MLLT3: variants seen among roughly 807,000 people sequenced by gnomAD.
MLLT3 encodes MLLT3 super elongation complex subunit.
In MLLT3, 4 loss-of-function variants were observed where a neutral mutation model predicts 53.2. The observed-to-expected ratio is 0.08, with a 90% CI of 0.04 to 0.17. The LOEUF is 0.17. Among genes scored for constraint, MLLT3 ranks in the 10% least tolerant of loss-of-function variants. The pLI, the probability that MLLT3 is intolerant of heterozygous loss-of-function variation, is 1.00. For missense variants in MLLT3, 569 were observed against 684.0 expected, an observed-to-expected ratio of 0.83 and a Z score of 1.87; for synonymous variants, 283 against 230.6, an observed-to-expected ratio of 1.23 and a Z score of -2.06.
chr9:20,459,082 A>G (rs992588320), intron 2 of MLLT3, among the ~76,000 whole-genome samples: 2 of 152,120 alleles, frequency 1.3e-5, no homozygotes, highest in African/African-American at 4.8e-5. Flanking sequence ...ATCGACATAC[A>G]AGGAGACTAT....
intron 3 of MLLT3, among the ~76,000 whole-genome samples, chr9:20,452,584 T>C (rs1328395421): frequency 1.3e-5 from 2 of 152,070 alleles, no homozygotes; most frequent in Non-Finnish European, 2.9e-5. Flanking sequence ...CAAGACAGAG[T>C]TGTATAAACT....
At chr9:20,586,126 G>A (rs867700906) in intron 2 of MLLT3, among the ~76,000 whole-genome samples, 13 of 152,032 alleles carry the variant, frequency 8.6e-5, no homozygotes, top group African/African-American at 2.4e-4. Context: ...GCGACCAGCC[G>A]GGCAACATAG....
At chr9:20,477,583 T>TAAA (rs1824557361) in intron 2 of MLLT3, among the ~76,000 whole-genome samples, 4 of 152,016 alleles carry the variant, frequency 2.6e-5, no homozygotes, top group African/African-American at 9.7e-5. Context: ...AAATTTTAAA[T>TAAA]TAATAAATAA....
At chr9:20,366,583 T>A (rs951859664) in intron 5 of MLLT3, among the ~76,000 whole-genome samples, 2 of 152,234 alleles carry the variant, frequency 1.3e-5, no homozygotes, top group African/African-American at 4.8e-5. Context: ...CTGGGTCAAA[T>A]GGTATTTCTG....
chr9:20,448,115 C>T lies in MLLT3; in HGVS notation c.420+8G>A, dbSNP rs1823750951. 6.2e-7 allele frequency: 1 copy of T among 1,607,006 alleles called. No individual in the cohort carries two copies. Among genetic ancestry groups the T allele is most frequent in the South Asian group, 1.1e-5 (1 of 89,230 alleles). On this transcript the variant is annotated splice_region_variant and intron_variant, in intron 4 of 10. Coordinates refer to ENST00000380338, the MANE Select transcript of MLLT3 (RefSeq NM_004529.4). The surrounding 1 kb of genome is among the most constrained non-coding windows in gnomAD (Gnocchi z 4.0). ...TAGGAATGCTTTTCACAAGAGAGTG[C>T]CACTTACCCCTCCTGCCTTCAGCAA...
intron 2 of MLLT3, among the ~76,000 whole-genome samples, chr9:20,462,023 C>A (rs1374484352): frequency 6.6e-6 from 1 of 152,180 alleles, no homozygotes; most frequent in South Asian, 2.1e-4. Context: ...ATGGGGCAAA[C>A]AAGATCCTGT....
chr9:20,375,346 C>T (rs1821732327), intron 5 of MLLT3, among the ~76,000 whole-genome samples: 2 of 152,194 alleles, frequency 1.3e-5, no homozygotes, highest in Admixed American at 6.5e-5. Flanking sequence ...TAATTTAAAG[C>T]AGTGTTCTGA....
rs1317549904 is a variant in MLLT3 at position 20,613,866 on chromosome 9, G to C, written c.193+6788C>G. On this transcript the variant is annotated intron_variant, in intron 2 of 10. Transcript: ENST00000380338. ...AAAATTTTAACTCTGTATACCTTTT[G>C]ACTCCACAACCTCCCTTCTAGAAAT... is the stretch of plus-strand genomic sequence containing the variant. 4.6e-5 allele frequency among the ~76,000 whole-genome samples: 7 copies of C among 151,950 alleles called. No homozygotes were observed. In the East Asian group the frequency reaches 1.4e-3, roughly 29 times the overall value.
intron 2 of MLLT3, among the ~76,000 whole-genome samples, chr9:20,568,695 C>G (rs1463574471): frequency 6.6e-6 from 1 of 152,146 alleles, no homozygotes; most frequent in Admixed American, 6.5e-5. Flanking sequence ...GAAAGTAAGA[C>G]AAGTTAATTT....
intron 4 of MLLT3, among the ~76,000 whole-genome samples, chr9:20,422,931 C>G (rs1823049968): frequency 6.6e-6 from 1 of 152,142 alleles, no homozygotes; most frequent in African/African-American, 2.4e-5. Context: ...TCATTATTAA[C>G]TCAACAATCT....
Position 20,565,272 on chromosome 9 carries a change from C to T in MLLT3, c.193+55382G>A, listed in dbSNP as rs139042237. Among the ~76,000 whole-genome samples the T allele has an allele frequency of 2.4e-4, 37 of 152,078 alleles. 1 individual carries two copies. Among genetic ancestry groups the T allele is most frequent in the African/African-American group, 8.0e-4 (33 of 41,498 alleles). ...TCAAACTGTACAATGCACAAAGCTT[C>T]GGTTCCGCTAGGTTATCAGCTACAC... is the stretch of plus-strand genomic sequence containing the variant. On this transcript the variant is annotated intron_variant, in intron 2 of 10. Coordinates refer to ENST00000380338, the MANE Select transcript of MLLT3 (RefSeq NM_004529.4).
chr9:20,587,930 G>A (rs1176859784), intron 2 of MLLT3, among the ~76,000 whole-genome samples: 7 of 151,832 alleles, frequency 4.6e-5, no homozygotes, highest in African/African-American at 1.2e-4. Context: ...CCTATGTCCT[G>A]AATGGTAATG....
At chr9:20,413,650 T>C (rs1586930705) in intron 5 of MLLT3, 71 bp downstream of exon 5, 1 of 1,328,418 alleles carries the variant, frequency 7.5e-7, no homozygotes, top group Non-Finnish European at 1.0e-6. Flanking sequence ...TCCCTCATTC[T>C]TTATTACAAA....
At chr9:20,513,314 G>A (rs1817809950) in intron 2 of MLLT3, among the ~76,000 whole-genome samples, 2 of 152,164 alleles carry the variant, frequency 1.3e-5, no homozygotes, top group Middle Eastern at 3.2e-3. Flanking sequence ...TGACTAAGAG[G>A]AAAATTAGGT....
intron 2 of MLLT3, among the ~76,000 whole-genome samples, chr9:20,594,517 G>C (rs7871033): frequency 0.79 from 120,228 of 152,086 alleles, 47,693 homozygotes; most frequent in Middle Eastern, 0.89. Flanking sequence ...ACCAGAGCAA[G>C]TCCATGTTGA....
chr9:20,518,148 C>T (rs1817962924), intron 2 of MLLT3, among the ~76,000 whole-genome samples: 1 of 152,108 alleles, frequency 6.6e-6, no homozygotes, highest in South Asian at 2.1e-4. Context: ...GAGTTCGCAA[C>T]CAGCCTGGCC....
At chr9:20,512,153 T>C (rs754681339) in intron 2 of MLLT3, among the ~76,000 whole-genome samples, 84 of 152,260 alleles carry the variant, frequency 5.5e-4, no homozygotes, top group Non-Finnish European at 1.1e-3. Flanking sequence ...TACTCATTCT[T>C]GATATGCCTC....
At chr9:20,465,135 T>G (rs1824202749) in intron 2 of MLLT3, among the ~76,000 whole-genome samples, 1 of 151,734 alleles carries the variant, frequency 6.6e-6, no homozygotes, top group Non-Finnish European at 1.5e-5. Flanking sequence ...AGATTTTGAG[T>G]GCAATTTAAG....
intron 2 of MLLT3, among the ~76,000 whole-genome samples, chr9:20,485,894 CATTA>C (rs1381816024): frequency 1.3e-5 from 2 of 152,132 alleles, no homozygotes; most frequent in African/African-American, 4.8e-5. Flanking sequence ...AAATCAGTAT[CATTA>C]ATTATAACAG....
Sources: allele counts gnomAD v4.1 joint callset (sites outside exome capture counted in the v4.1 genomes callset), GRCh38; gene constraint gnomAD v4.1.1; non-coding constraint Gnocchi (gnomAD v3.1); transcripts MANE v1.5; gene names NCBI Gene and HGNC (gene_info 2026-07-23, HGNC 2026-07-21).